The following GABRR3 variants were observed in gnomAD, a reference collection of about 807,000 sequenced individuals.
GABRR3 encodes gamma-aminobutyric acid type A receptor subunit rho3.
GABRR3 carries 29 observed loss-of-function variants against 43.2 expected under a neutral mutation model. The ratio of observed to expected loss-of-function variants is 0.67; its 90% CI spans 0.50 to 0.92. The LOEUF (loss-of-function observed/expected upper bound fraction) is 0.92, where lower values mean the gene tolerates loss of function less well. GABRR3 is among the 40% of genes least tolerant of loss of function. The pLI, the probability that GABRR3 is intolerant of heterozygous loss-of-function variation, is 0.00. For missense variants in GABRR3, 576 were observed against 572.3 expected, an observed-to-expected ratio of 1.01 and a Z score of -0.07; for synonymous variants, 206 against 195.9, an observed-to-expected ratio of 1.05 and a Z score of -0.43.
At chr3:98,021,262 G>A (rs990814455) in intron 3 of GABRR3, among the ~76,000 whole-genome samples, 2 of 152,140 alleles carry the variant, frequency 1.3e-5, no homozygotes, top group Non-Finnish European at 2.9e-5. Flanking sequence ...ATAGAGTAGA[G>A]AGTGAGCAGC....
intron 4 of GABRR3, 69 bp downstream of exon 4, chr3:98,017,586 C>A: frequency 9.7e-7 from 1 of 1,026,430 alleles, no homozygotes; most frequent in Non-Finnish European, 1.5e-6. Flanking sequence ...TATTAAAACA[C>A]TAGTGATTTT....
chr3:97,986,835 C>A, exon 10 of GABRR3: 2 of 1,612,570 alleles, frequency 1.2e-6, no homozygotes, highest in Non-Finnish European at 1.7e-6. Context: ...CGAGATGAAT[C>A]GGTGCTGGGG....
At chr3:98,012,232 C>T (rs1706802205) in intron 5 of GABRR3, 112 bp downstream of exon 5, 2 of 729,128 alleles carry the variant, frequency 2.7e-6, no homozygotes, top group African/African-American at 1.8e-5. Context: ...CAATCTCCAG[C>T]AGCATTAAAC....
intron 8 of GABRR3, 110 bp downstream of exon 8, chr3:98,001,505 A>G (rs1706641280): frequency 1.8e-6 from 2 of 1,135,438 alleles, no homozygotes; most frequent in African/African-American, 3.1e-5. Flanking sequence ...ATCTCTGACT[A>G]TCCCTACTAA....
intron 8 of GABRR3, among the ~76,000 whole-genome samples, chr3:97,996,091 G>C (rs1044517881): frequency 6.6e-6 from 1 of 152,096 alleles, no homozygotes; most frequent in African/African-American, 2.4e-5. Flanking sequence ...AGTCATGCAT[G>C]GTGGAGAGTT....
chr3:98,030,887 A>G (rs1707078851), intron 2 of GABRR3, among the ~76,000 whole-genome samples: 1 of 152,214 alleles, frequency 6.6e-6, no homozygotes, highest in Non-Finnish European at 1.5e-5. Context: ...AAAATGTTCT[A>G]TTAGGCTATA....
intron 4 of GABRR3, among the ~76,000 whole-genome samples, chr3:98,012,938 C>T (rs1245761326): frequency 6.6e-6 from 1 of 152,098 alleles, no homozygotes; most frequent in Non-Finnish European, 1.5e-5. Flanking sequence ...ATTGTGACTT[C>T]CTTTTTTATT....
intron 9 of GABRR3, 100 bp from the exon 10 acceptor site, chr3:97,987,082 C>G: frequency 1.2e-6 from 1 of 832,370 alleles, no homozygotes; most frequent in Non-Finnish European, 1.8e-6. Flanking sequence ...TTTATCAGAA[C>G]AGCAAGATAG....
chr3:98,015,672 A>G (rs1706864714), intron 4 of GABRR3, among the ~76,000 whole-genome samples: 1 of 152,228 alleles, frequency 6.6e-6, no homozygotes, highest in Admixed American at 6.5e-5. Context: ...AAGAAAAGGA[A>G]AGAGATCCAT....
intron 3 of GABRR3, among the ~76,000 whole-genome samples, chr3:98,024,553 T>TA (rs1706988633): frequency 6.6e-6 from 1 of 152,192 alleles, no homozygotes; most frequent in Admixed American, 6.5e-5. Context: ...CCCTTGGTCA[T>TA]AACCACATCA....
chr3:97,985,270 A>G (rs1275748464), downstream of GABRR3, among the ~76,000 whole-genome samples: 1 of 152,224 alleles, frequency 6.6e-6, no homozygotes, highest in East Asian at 1.9e-4. Flanking sequence ...CACTGATCAT[A>G]GGAGGTTTTC....
chr3:98,009,027 G>T lies in GABRR3; in HGVS notation c.542C>A (p.Ser181Ter). 6.2e-7 allele frequency: 1 copy of T among 1,603,232 alleles called. No homozygotes were observed. Among genetic ancestry groups the T allele is most frequent in the South Asian group, 1.1e-5 (1 of 88,722 alleles). ...GCTGAAATCCATAAAGCACATGGCCGAAACCGTTATCCTATAAAAAGAATG... is the reference window on the plus strand; with the variant it reads ...GCTGAAATCCATAAAGCACATGGCCTAAACCGTTATCCTATAAAAAGAATG... The change falls in exon 6 of 10, where the codon TCG (serine) becomes TAG (stop). Residue 181 changes from serine (S) to a stop codon, truncating the protein, a stop_gained. Transcript: ENST00000621172. LOFTEE classifies it high-confidence loss of function.
intron 4 of GABRR3, among the ~76,000 whole-genome samples, chr3:98,015,321 T>C (rs960097521): frequency 8.2e-4 from 125 of 152,302 alleles, no homozygotes; most frequent in African/African-American, 2.9e-3. Context: ...ACCTACTGAG[T>C]AGCTGGGACT....
chr3:97,999,298 G>C (rs1016060235), intron 8 of GABRR3: 1 of 152,028 alleles, frequency 6.6e-6, no homozygotes, highest in Non-Finnish European at 1.5e-5. Context: ...TTAAAAGTGA[G>C]GATATTTATG....
rs750024814 is a variant in GABRR3 at position 97,986,994 on chromosome 3, CT to C, written c.1105-13del. The C allele has an allele frequency of 7.3e-5, 112 of 1,529,608 alleles. No individual in the cohort carries two copies. The highest frequency in any genetic ancestry group is 3.6e-4 in the African/African-American group (26 of 71,648). 94.8% of individuals were successfully genotyped at this position (1,529,608 alleles called of 1,614,324 possible). ...TACATCCTAGAAATCTGTCAAAAAACTTTTTTTTAAAGTAGGTCTTGAATAT... is the reference window on the plus strand; with the variant it reads ...TACATCCTAGAAATCTGTCAAAAAACTTTTTTTAAAGTAGGTCTTGAATAT... On this transcript the variant is annotated splice_polypyrimidine_tract_variant and intron_variant, in intron 9 of 9. Coordinates refer to ENST00000621172, the Ensembl canonical transcript of GABRR3.
chr3:97,986,388 A>G (rs1053904326), downstream of GABRR3, among the ~76,000 whole-genome samples: 2 of 152,246 alleles, frequency 1.3e-5, no homozygotes, highest in African/African-American at 4.8e-5. Context: ...AGTTAAATAA[A>G]GAACATTTCA....
chr3:97,987,094 C>T (rs1037299803), intron 9 of GABRR3, 112 bp from the exon 10 acceptor site: 11 of 707,416 alleles, frequency 1.6e-5, no homozygotes, highest in African/African-American at 1.3e-4. Flanking sequence ...GCAAGATAGG[C>T]CAATTGGATT....
At chr3:98,033,572 A>G (rs1349890685) in intron 2 of GABRR3, among the ~76,000 whole-genome samples, 5 of 152,136 alleles carry the variant, frequency 3.3e-5, no homozygotes, top group Non-Finnish European at 7.3e-5. Flanking sequence ...TCTTCTCCTC[A>G]TCTAAACATC....
chr3:98,008,931 C>A, intron 6 of GABRR3, 25 bp downstream of exon 6: 3 of 1,438,486 alleles, frequency 2.1e-6, no homozygotes, highest in Non-Finnish European at 2.9e-6. Context: ...GATGTGCACT[C>A]ACTCCACCAG....
Sources: allele counts gnomAD v4.1 joint callset (sites outside exome capture counted in the v4.1 genomes callset), GRCh38; gene constraint gnomAD v4.1.1; transcripts MANE v1.5; gene names NCBI Gene and HGNC (gene_info 2026-07-23, HGNC 2026-07-21).